The following ZBTB46 variants were observed in gnomAD, a reference collection of about 807,000 sequenced individuals.
ZBTB46 encodes zinc finger and BTB domain-containing protein 46.
In ZBTB46, 8 loss-of-function variants were observed where a neutral mutation model predicts 44.1. That is an observed-to-expected ratio of 0.18 (90% CI 0.11 to 0.33). ZBTB46 has a LOEUF of 0.33. Ranked by LOEUF, ZBTB46 falls within the 10% of genes least tolerant of loss-of-function variation. ZBTB46 has a pLI of 1.00. For missense variants in ZBTB46, 651 were observed against 847.7 expected (o/e 0.77, Z 2.88); for synonymous variants, 409 against 382.3 (o/e 1.07, Z -0.81).
rs1050462832 is a variant in ZBTB46, at chr20:63,830,905, G to T, written c.-34+192C>A. Among the ~76,000 whole-genome samples, 3 of 141,534 alleles carry T rather than the reference G, an allele frequency of 2.1e-5. No homozygotes were observed. The East Asian group carries it at 6.6e-4, about 31-fold the overall frequency. The allele number at this position is 141,534 out of a possible 152,430, so 92.9% of individuals were successfully genotyped here. A position where few individuals can be genotyped will look rare whatever the true frequency, so the allele number is the denominator to read the frequency against. On this transcript the variant is annotated intron_variant, in intron 1 of 4. Transcript: ENST00000245663. ...CGGGGTCTCCGCCGCCGCCCCCGGA[G>T]CCCGCGCCGCAGCTGGGAGCGCCGA...
At chr20:63,815,159 CT>C in intron 1 of ZBTB46, 1 of 233,160 alleles carries the variant, frequency 4.3e-6, no homozygotes, top group Non-Finnish European at 8.8e-6. Flanking sequence ...CAAGTCTGAG[CT>C]GAAGGCACAG....
chr20:63,777,705 G>C (rs2092436981), intron 2 of ZBTB46, among the ~76,000 whole-genome samples: 1 of 152,150 alleles, frequency 6.6e-6, no homozygotes, highest in South Asian at 2.1e-4. Flanking sequence ...GACGCGCGTA[G>C]CACGTTATCC....
intron 1 of ZBTB46, among the ~76,000 whole-genome samples, chr20:63,797,748 G>A (rs6062533): frequency 0.23 from 34,695 of 152,154 alleles, 4,090 homozygotes; most frequent in Middle Eastern, 0.33. Flanking sequence ...TTTCTCTCAC[G>A]GCCAGTGATG....
intron 3 of ZBTB46, among the ~76,000 whole-genome samples, chr20:63,757,775 G>C (rs2092234010): frequency 1.3e-5 from 2 of 152,114 alleles, no homozygotes; most frequent in African/African-American, 4.8e-5. Context: ...AATCACCTTT[G>C]AGTGCACCTT....
intron 3 of ZBTB46, chr20:63,775,295 A>G (rs185781576): frequency 5.2e-6 from 1 of 192,660 alleles, no homozygotes; most frequent in South Asian, 1.7e-4. Flanking sequence ...GAGCCTCAGC[A>G]CGAAGGCGAC....
intron 1 of ZBTB46, among the ~76,000 whole-genome samples, chr20:63,818,312 C>T (rs2146072652): frequency 6.6e-6 from 1 of 152,384 alleles, no homozygotes; most frequent in African/African-American, 2.4e-5. Flanking sequence ...CCCAGAAGCC[C>T]TCGGTGCAGC....
At chr20:63,769,144 C>T (rs901894306) in intron 3 of ZBTB46, 5 of 977,358 alleles carry the variant, frequency 5.1e-6, no homozygotes, top group African/African-American at 1.8e-5. Context: ...CGGAGGTGCC[C>T]GGGCTCATCT....
rs1384142361 is a variant in ZBTB46, at chr20:63,831,179, C to T, written c.-116G>A. The T allele has an allele frequency of 1.4e-5, 2 of 142,664 alleles. No homozygotes were observed. The highest frequency in any genetic ancestry group is 3.1e-5 in the Non-Finnish European group (2 of 64,566). The allele number at this position is 142,664 out of a possible 1,614,324, so 8.8% of individuals were successfully genotyped here. On this transcript the variant is annotated 5_prime_UTR_variant, in exon 1 of 5. Coordinates refer to ENST00000245663, the MANE Select transcript of ZBTB46 (RefSeq NM_001369741.1). ...GTGATCGCCGCCGCCGCCGGGAGGG[C>T]GCTGCGTCCGGGCGGGTCCGAGCTG...
chr20:63,785,967 C>T (rs144864550), intron 2 of ZBTB46, among the ~76,000 whole-genome samples: 7 of 152,316 alleles, frequency 4.6e-5, no homozygotes, highest in Non-Finnish European at 8.8e-5. Context: ...AGCATTCAGC[C>T]CACAGGCTTA....
intron 1 of ZBTB46, among the ~76,000 whole-genome samples, chr20:63,808,790 T>C (rs6010661): frequency 0.18 from 27,554 of 151,292 alleles, 3,074 homozygotes; most frequent in East Asian, 0.45. Flanking sequence ...CTGGCTAACA[T>C]GGTGAAACCC....
intron 1 of ZBTB46, among the ~76,000 whole-genome samples, chr20:63,796,956 G>C (rs2092608398): frequency 6.6e-6 from 1 of 152,160 alleles, no homozygotes; most frequent in South Asian, 2.1e-4. Context: ...GATCACTTGA[G>C]GTCAGGAGTT....
Position 63,790,761 on chromosome 20 carries a change from G to A in ZBTB46, c.-4C>T. Reference sequence around the variant, plus strand: ...TATCTTCCTTTCGGTTGTTCATTTGGAAGCCCTGGTGTCGCCTCTTCTACA... The same window carrying A: ...TATCTTCCTTTCGGTTGTTCATTTGAAAGCCCTGGTGTCGCCTCTTCTACA... On this transcript the variant is annotated 5_prime_UTR_variant, in exon 2 of 5. Transcript: ENST00000245663. 1.9e-6 allele frequency: 3 copies of A among 1,596,064 alleles called. No individual in the cohort carries two copies. Among genetic ancestry groups the A allele is most frequent in the Non-Finnish European group, 2.6e-6 (3 of 1,172,500 alleles).
intron 3 of ZBTB46, among the ~76,000 whole-genome samples, chr20:63,766,418 G>T (rs2092320885): frequency 6.6e-6 from 1 of 151,460 alleles, no homozygotes; most frequent in African/African-American, 2.4e-5. Flanking sequence ...ATTTCGCCAT[G>T]TTGGCCAGGC....
upstream of ZBTB46, among the ~76,000 whole-genome samples, chr20:63,833,200 G>T (rs2092860504): frequency 2.6e-5 from 4 of 152,196 alleles, no homozygotes. Context: ...GTGGCACTCA[G>T]TCATCGCTTA....
intron 3 of ZBTB46, among the ~76,000 whole-genome samples, chr20:63,758,478 C>G (rs34344649): frequency 6.6e-6 from 1 of 152,008 alleles, no homozygotes; most frequent in African/African-American, 2.4e-5. Context: ...GCTGGTGGGC[C>G]TGCTATTCTG....
chr20:63,781,140 CAAAAA>C lies in ZBTB46; in HGVS notation c.938-5183_938-5179del, dbSNP rs58102231. ...TGGGTGGCAGAGCAAGACTCTGCCT[CAAAAA>C]AAAAAAAAAAAAAAAAAAGAAAGAA... On this transcript the variant is annotated intron_variant, in intron 2 of 4. Transcript: ENST00000245663. 4.5e-3 allele frequency among the ~76,000 whole-genome samples: 381 copies of C among 83,968 alleles called. 8 individuals carry two copies. The East Asian group carries it at 0.12, about 27-fold the overall frequency. 55.1% of individuals were successfully genotyped at this position (83,968 alleles called of 152,430 possible). A position where few individuals can be genotyped will look rare whatever the true frequency, so the allele number is the denominator to read the frequency against.
At position 63,752,525 on chromosome 20, in the gene ZBTB46, G is replaced by C. The variant is rs2092178129; in HGVS notation, c.1398+161C>G. 6.6e-6 allele frequency among the ~76,000 whole-genome samples: 1 copy of C among 152,168 alleles called. No homozygotes were observed. The highest frequency in any genetic ancestry group is 1.5e-5 in the Non-Finnish European group (1 of 68,002). ...ACACCCAGGAGGCCGGGGCAGAGCA[G>C]ACAGGGGCCCGGGGCGGATCTCCCT... On this transcript the variant is annotated intron_variant, in intron 4 of 4. Coordinates refer to ENST00000245663, the MANE Select transcript of ZBTB46 (RefSeq NM_001369741.1). The surrounding 1 kb of genome is among the most constrained non-coding windows in gnomAD (Gnocchi z 5.6).
chr20:63,774,254 A>G (rs2092401820), intron 3 of ZBTB46, among the ~76,000 whole-genome samples: 1 of 152,204 alleles, frequency 6.6e-6, no homozygotes, highest in South Asian at 2.1e-4. Context: ...TTCCACATGT[A>G]GTCTTTATTA....
chr20:63,776,133 C>G (rs889910864), intron 2 of ZBTB46, among the ~76,000 whole-genome samples, 171 bp from the exon 3 acceptor site: 2 of 152,254 alleles, frequency 1.3e-5, no homozygotes, highest in African/African-American at 4.8e-5. Context: ...GCAGCAGCCT[C>G]GGCCCAGCCC....
Sources: allele counts gnomAD v4.1 joint callset (sites outside exome capture counted in the v4.1 genomes callset), GRCh38; gene constraint gnomAD v4.1.1; non-coding constraint Gnocchi (gnomAD v3.1); transcripts MANE v1.5; gene names NCBI Gene and HGNC (gene_info 2026-07-23, HGNC 2026-07-21).